Variants in ALDH1A2 observed in about 807,000 individuals in gnomAD.
The protein encoded by ALDH1A2 is retinal dehydrogenase 2.
In ALDH1A2, 27 loss-of-function variants were observed where a neutral mutation model predicts 60.3. The ratio of observed to expected loss-of-function variants is 0.45; its 90% CI spans 0.33 to 0.62. The LOEUF is 0.62. ALDH1A2 is among the 20% of genes least tolerant of loss of function. ALDH1A2 has a pLI of 0.02. For synonymous variants in ALDH1A2, 289 were observed against 232.4 expected (o/e 1.24, Z -2.21); for missense variants, 581 against 643.8 (o/e 0.90, Z 1.06).
In ALDH1A2 at chr15:58,062,803, A is replaced by T. The variant is rs1171742145; in HGVS notation, c.117+2731T>A. 4.6e-5 allele frequency among the ~76,000 whole-genome samples: 7 copies of T among 152,256 alleles called. No homozygotes were observed. In the East Asian group the frequency reaches 1.3e-3, roughly 29 times the overall value. On this transcript the variant is annotated intron_variant, in intron 1 of 12. Transcript: ENST00000249750. ...TGTTCCAAAAATGGTATTGCCATTG[A>T]TCATTGGTATAATATGGATACTAGA...
intron 1 of ALDH1A2, among the ~76,000 whole-genome samples, chr15:58,039,456 T>C (rs959523834): frequency 5.3e-5 from 8 of 151,820 alleles, no homozygotes; most frequent in African/African-American, 1.9e-4. Flanking sequence ...AGAGAGTTCA[T>C]TGTTCAACCT....
chr15:58,025,536 G>C (rs1204940297), intron 1 of ALDH1A2, among the ~76,000 whole-genome samples: 2 of 152,076 alleles, frequency 1.3e-5, no homozygotes, highest in African/African-American at 2.4e-5. Flanking sequence ...TCTCAATAAA[G>C]AAAAGCCCAA....
chr15:57,989,204 G>A (rs959109955), intron 7 of ALDH1A2, among the ~76,000 whole-genome samples: 22 of 152,218 alleles, frequency 1.4e-4, no homozygotes, highest in Admixed American at 2.6e-4. Flanking sequence ...TTAAATGCTA[G>A]AAGTTAATTT....
chr15:58,021,807 G>A (rs1252954096), intron 1 of ALDH1A2, among the ~76,000 whole-genome samples: 2 of 152,258 alleles, frequency 1.3e-5, no homozygotes, highest in African/African-American at 4.8e-5. Flanking sequence ...TGAGACATGA[G>A]CTGAAGCACC....
chr15:57,974,088 GT>G (rs1894159804), intron 7 of ALDH1A2, among the ~76,000 whole-genome samples: 2 of 152,084 alleles, frequency 1.3e-5, no homozygotes, highest in Admixed American at 1.3e-4. Context: ...TCAAAATAAT[GT>G]GATACTTGCG....
chr15:57,992,899 A>G, intron 6 of ALDH1A2, 46 bp downstream of exon 6: 1 of 1,613,612 alleles, frequency 6.2e-7, no homozygotes, highest in Non-Finnish European at 8.5e-7. Flanking sequence ...AGTAGGCTCC[A>G]GCTGTAAGGG....
At chr15:58,011,920 G>A (rs2140515955) in intron 3 of ALDH1A2, among the ~76,000 whole-genome samples, 1 of 152,222 alleles carries the variant, frequency 6.6e-6, no homozygotes, top group African/African-American at 2.4e-5. Context: ...CCAGAATTTG[G>A]GCTGCCTAAA....
intron 1 of ALDH1A2, among the ~76,000 whole-genome samples, chr15:58,026,405 G>A (rs4369598): frequency 6.6e-6 from 1 of 151,928 alleles, no homozygotes; most frequent in East Asian, 1.9e-4. Flanking sequence ...ATGCTTCCAA[G>A]ATGGCCAAAT....
At chr15:58,034,085 G>A (rs1896315533) in intron 1 of ALDH1A2, among the ~76,000 whole-genome samples, 1 of 151,660 alleles carries the variant, frequency 6.6e-6, no homozygotes, top group Admixed American at 6.6e-5. Flanking sequence ...GGGAAGAAAT[G>A]ACATCTTAAT....
intron 12 of ALDH1A2, among the ~76,000 whole-genome samples, chr15:57,956,200 G>A (rs1277138010): frequency 1.3e-5 from 2 of 152,160 alleles, no homozygotes; most frequent in Non-Finnish European, 2.9e-5. Flanking sequence ...GACCAAGGAA[G>A]GAAGGAAAGT....
Position 58,035,401 on chromosome 15 carries a change from T to C in ALDH1A2, c.118-21120A>G, listed in dbSNP as rs146615361. On this transcript the variant is annotated intron_variant, in intron 1 of 12. Coordinates refer to ENST00000249750, the MANE Select transcript of ALDH1A2 (RefSeq NM_003888.4). Reference sequence around the variant, plus strand: ...ATTAATTTTTTTCAAAGAACCAGTCTACAGTTTTATTGTCTTTATTGTTTT... The same window carrying C: ...ATTAATTTTTTTCAAAGAACCAGTCCACAGTTTTATTGTCTTTATTGTTTT... Among the ~76,000 whole-genome samples, 833 of 151,788 alleles carry C rather than the reference T, an allele frequency of 5.5e-3. 6 individuals are homozygous for C. Among genetic ancestry groups the C allele is most frequent in the Middle Eastern group, 0.024 (7 of 294 alleles).
chr15:58,064,539 T>C (rs1897122659), intron 1 of ALDH1A2, among the ~76,000 whole-genome samples: 1 of 152,220 alleles, frequency 6.6e-6, no homozygotes, highest in African/African-American at 2.4e-5. Context: ...CCTTTAACCA[T>C]ATGCATGTGC....
intron 4 of ALDH1A2, among the ~76,000 whole-genome samples, chr15:57,998,899 C>T (rs1895157473): frequency 6.6e-6 from 1 of 151,982 alleles, no homozygotes; most frequent in Non-Finnish European, 1.5e-5. Flanking sequence ...TAAGACCACA[C>T]ATCTACAACC....
intron 4 of ALDH1A2, among the ~76,000 whole-genome samples, chr15:57,997,408 G>C (rs1320332748): frequency 6.6e-6 from 1 of 151,952 alleles, no homozygotes; most frequent in African/African-American, 2.4e-5. Flanking sequence ...TAAGGTGATG[G>C]GTTCAGGTGG....
intron 1 of ALDH1A2, among the ~76,000 whole-genome samples, chr15:58,053,612 A>T (rs982433944): frequency 2.0e-5 from 3 of 152,128 alleles, no homozygotes; most frequent in Non-Finnish European, 4.4e-5. Context: ...CTTAAATCAG[A>T]TCATCAGGAG....
intron 7 of ALDH1A2, among the ~76,000 whole-genome samples, chr15:57,973,168 C>G (rs920612758): frequency 1.3e-5 from 2 of 152,168 alleles, no homozygotes; most frequent in Non-Finnish European, 2.9e-5. Context: ...AAAGAAAACA[C>G]TATACCAAGC....
intron 1 of ALDH1A2, among the ~76,000 whole-genome samples, chr15:58,018,664 A>G (rs1472354112): frequency 6.6e-6 from 1 of 152,160 alleles, no homozygotes; most frequent in Non-Finnish European, 1.5e-5. Context: ...CAGCAATGGG[A>G]CAAATTGATA....
At position 58,065,633 on chromosome 15, in the gene ALDH1A2, T is replaced by A; in HGVS notation, c.18A>T (p.Ile6=). The change falls in exon 1 of 13, where the codon ATA becomes ATT. Residue 6 remains isoleucine, a synonymous_variant. Transcript: ENST00000249750. MTSSK[I]EMPGEVKADP... is the part of the protein sequence containing the mutation. The stretch of plus-strand genomic sequence containing the variant: ...CGGCCTTCACCTCGCCGGGCATCTC[T>A]ATCTTGCTGGAAGTCATGGTGGCGG... 1 of 1,602,120 alleles carries A rather than the reference T, an allele frequency of 6.2e-7. No individual in the cohort carries two copies. Among genetic ancestry groups the A allele is most frequent in the Non-Finnish European group, 8.5e-7 (1 of 1,173,544 alleles).
intron 1 of ALDH1A2, among the ~76,000 whole-genome samples, chr15:58,057,296 T>G (rs1896920180): frequency 6.7e-6 from 1 of 150,264 alleles, no homozygotes; most frequent in Non-Finnish European, 1.5e-5. Context: ...TTTAACAAGC[T>G]AATCAAATTA....
Sources: gnomAD v4.1 joint callset for allele counts (sites outside exome capture counted in the v4.1 genomes callset) on GRCh38, gnomAD v4.1.1 for gene constraint, MANE v1.5 for transcripts, NCBI Gene and HGNC (gene_info 2026-07-23, HGNC 2026-07-21) for gene names.